CA10: variants seen among roughly 807,000 people sequenced by gnomAD.
CA10 encodes the protein carbonic anhydrase 10 (inactive).
In CA10, 14 loss-of-function variants were observed where a neutral mutation model predicts 44.2. The ratio of observed to expected loss-of-function variants is 0.32; its 90% CI spans 0.21 to 0.50. CA10 has a LOEUF of 0.50. Among genes scored for constraint, CA10 ranks in the 20% least tolerant of loss-of-function variants. CA10 has a pLI of 0.99. For synonymous variants in CA10, 159 were observed against 141.6 expected, an observed-to-expected ratio of 1.12 and a Z score of -0.87; for missense variants, 350 against 409.7, an observed-to-expected ratio of 0.85 and a Z score of 1.26.
chr17:51,930,937 A>G lies in CA10; in HGVS notation c.279+53T>C, dbSNP rs1177313008. 7 of 1,599,986 alleles carry G rather than the reference A, an allele frequency of 4.4e-6. No individual in the cohort carries two copies. In the East Asian group the frequency reaches 6.7e-5, roughly 15 times the overall value. On this transcript the variant is annotated intron_variant, in intron 3 of 8. Coordinates refer to ENST00000451037, the MANE Select transcript of CA10 (RefSeq NM_020178.5). The stretch of plus-strand genomic sequence containing the variant: ...TGAAGCCTTGAGGATTAGCTTTCAG[A>G]ATCAAGATGGCCCCATCTTCAACTT...
chr17:51,981,764 C>A (rs1169210842), intron 2 of CA10, among the ~76,000 whole-genome samples: 1 of 152,026 alleles, frequency 6.6e-6, no homozygotes, highest in Non-Finnish European at 1.5e-5. Flanking sequence ...CTTTTCTCCC[C>A]CATTACTGGG....
chr17:52,001,586 A>G (rs1195946814), intron 2 of CA10, among the ~76,000 whole-genome samples: 1 of 151,664 alleles, frequency 6.6e-6, no homozygotes, highest in East Asian at 2.0e-4. Context: ...TTAATAGGGG[A>G]TATTGCTCCC....
chr17:51,645,253 G>C (rs1459944050), intron 6 of CA10, among the ~76,000 whole-genome samples: 1 of 152,180 alleles, frequency 6.6e-6, no homozygotes. Flanking sequence ...TCTCAACCAA[G>C]CAATGAGGCG....
rs141733718 is a variant in CA10, at chr17:52,115,134, G to T, written c.61+42592C>A. Among the ~76,000 whole-genome samples the T allele has an allele frequency of 1.6e-4, 24 of 152,356 alleles. No individual in the cohort carries two copies. In the East Asian group the frequency reaches 4.4e-3, roughly 28 times the overall value. On this transcript the variant is annotated intron_variant, in intron 1 of 8. Coordinates refer to ENST00000451037, the MANE Select transcript of CA10 (RefSeq NM_020178.5). Reference sequence around the variant, plus strand: ...AATTCACACCTTATGCAGGGGAGGAGCCTGGCCTCTTCAGCTCCTGTGTGG... The same window carrying T: ...AATTCACACCTTATGCAGGGGAGGATCCTGGCCTCTTCAGCTCCTGTGTGG...
At chr17:51,983,983 A>G (rs557005672) in intron 2 of CA10, among the ~76,000 whole-genome samples, 52 of 151,916 alleles carry the variant, frequency 3.4e-4, no homozygotes, top group African/African-American at 1.2e-3. Context: ...CGAAGTCTCT[A>G]TGCAAGAGTT....
chr17:52,099,741 A>T (rs1198385769), intron 1 of CA10, among the ~76,000 whole-genome samples: 2 of 152,356 alleles, frequency 1.3e-5, no homozygotes, highest in South Asian at 2.1e-4. Flanking sequence ...ATACTAACAG[A>T]TTGATCAGAG....
intron 1 of CA10, among the ~76,000 whole-genome samples, chr17:52,141,274 G>A (rs993224576): frequency 2.6e-5 from 4 of 152,144 alleles, no homozygotes; most frequent in Non-Finnish European, 4.4e-5. Flanking sequence ...TCTTGTTTTT[G>A]GTTTCTGACA....
chr17:51,665,277 G>C (rs1394441300), intron 4 of CA10, among the ~76,000 whole-genome samples: 1 of 151,898 alleles, frequency 6.6e-6, no homozygotes, highest in East Asian at 1.9e-4. Flanking sequence ...AACCCGCAGT[G>C]GATTGACTGT....
intron 4 of CA10, 47 bp from the exon 5 acceptor site, chr17:51,653,783 A>G (rs767209024): frequency 1.8e-6 from 2 of 1,131,544 alleles, no homozygotes; most frequent in Non-Finnish European, 2.7e-6. Flanking sequence ...CCAACATTAA[A>G]AGGTATGAGG....
intron 4 of CA10, among the ~76,000 whole-genome samples, chr17:51,727,678 C>T (rs1351949126): frequency 6.6e-6 from 1 of 152,084 alleles, no homozygotes; most frequent in Non-Finnish European, 1.5e-5. Flanking sequence ...TGATAAAGCA[C>T]TTTAAATGCT....
intron 1 of CA10, among the ~76,000 whole-genome samples, chr17:52,108,167 T>A (rs1055580008): frequency 6.9e-6 from 1 of 144,682 alleles, no homozygotes; most frequent in African/African-American, 2.5e-5. Flanking sequence ...TATATATATT[T>A]TTAATATATT....
At chr17:52,002,275 G>T (rs1985452031) in intron 2 of CA10, among the ~76,000 whole-genome samples, 1 of 151,850 alleles carries the variant, frequency 6.6e-6, no homozygotes, top group African/African-American at 2.4e-5. Flanking sequence ...TTCTTGGTTG[G>T]CCCACTGCAG....
chr17:51,679,009 T>C (rs12452390), intron 4 of CA10, among the ~76,000 whole-genome samples: 60,645 of 152,114 alleles, frequency 0.4, 14,575 homozygotes, highest in Admixed American at 0.54. Flanking sequence ...CATTCCTTCA[T>C]GTTCCAAAGC....
At chr17:51,848,151 GA>G (rs1312934514) in intron 3 of CA10, among the ~76,000 whole-genome samples, 1 of 152,124 alleles carries the variant, frequency 6.6e-6, no homozygotes, top group Non-Finnish European at 1.5e-5. Flanking sequence ...AAGAAAGGAT[GA>G]AAAAATAAAA....
At chr17:51,720,508 A>G (rs1283262787) in intron 4 of CA10, among the ~76,000 whole-genome samples, 2 of 152,218 alleles carry the variant, frequency 1.3e-5, no homozygotes, top group Admixed American at 6.5e-5. Flanking sequence ...GCTCTATAAA[A>G]AGTCTTGAAC....
intron 2 of CA10, among the ~76,000 whole-genome samples, chr17:52,039,037 T>C (rs2144187639): frequency 6.6e-6 from 1 of 152,280 alleles, no homozygotes; most frequent in South Asian, 2.1e-4. Flanking sequence ...CTAAAATTTT[T>C]CCCAACTCAT....
At position 51,802,991 on chromosome 17, in the gene CA10, AC is replaced by A. The variant is rs1906994317; in HGVS notation, c.280-55174del. ...AAGACTCATATTCCAAAATCTCAGG[AC>A]CCTGCCAGTTATGACAAGACACTCT... On this transcript the variant is annotated intron_variant, in intron 3 of 8. Coordinates refer to ENST00000451037, the MANE Select transcript of CA10 (RefSeq NM_020178.5). Among the ~76,000 whole-genome samples, 3 of 152,264 alleles carry A rather than the reference AC, an allele frequency of 2.0e-5. No individual in the cohort carries two copies. The East Asian group carries it at 5.8e-4, about 29-fold the overall frequency.
At chr17:52,056,691 G>A (rs1243107258) in intron 2 of CA10, among the ~76,000 whole-genome samples, 1 of 151,704 alleles carries the variant, frequency 6.6e-6, no homozygotes, top group Non-Finnish European at 1.5e-5. Flanking sequence ...TTGACAAAAA[G>A]GAATAACCTG....
chr17:52,090,613 T>C (rs1362319337), intron 1 of CA10, among the ~76,000 whole-genome samples: 1 of 152,148 alleles, frequency 6.6e-6, no homozygotes, highest in Non-Finnish European at 1.5e-5. Flanking sequence ...AAATGTAAAA[T>C]GAAAATTTTA....
Sources: allele counts gnomAD v4.1 joint callset (sites outside exome capture counted in the v4.1 genomes callset), GRCh38; gene constraint gnomAD v4.1.1; transcripts MANE v1.5; gene names NCBI Gene and HGNC (gene_info 2026-07-23, HGNC 2026-07-21).